Variants in SLC9A2 observed in about 807,000 individuals in gnomAD.
SLC9A2 encodes the protein sodium/hydrogen exchanger 2.
In SLC9A2, 42 loss-of-function variants were observed where a neutral mutation model predicts 71.7. The ratio of observed to expected loss-of-function variants is 0.59; its 90% CI spans 0.46 to 0.76. The LOEUF (loss-of-function observed/expected upper bound fraction) is 0.76. Among genes scored for constraint, SLC9A2 ranks in the 30% least tolerant of loss-of-function variants. The pLI, the probability that SLC9A2 is intolerant of heterozygous loss-of-function variation, is 0.00. For missense variants in SLC9A2, 829 were observed against 1,017.4 expected (o/e 0.81, Z 2.52); for synonymous variants, 396 against 392.5 (o/e 1.01, Z -0.10).
chr2:102,690,905 C>T (rs148585121), intron 5 of SLC9A2, among the ~76,000 whole-genome samples: 4 of 148,696 alleles, frequency 2.7e-5, no homozygotes, highest in African/African-American at 9.9e-5. Context: ...CTCTCTCCCA[C>T]ATCCTTTTTA....
chr2:102,688,081 C>A (rs560460217), intron 5 of SLC9A2, among the ~76,000 whole-genome samples: 2 of 152,032 alleles, frequency 1.3e-5, no homozygotes, highest in African/African-American at 4.8e-5. Context: ...CATGCCCGGC[C>A]GTGGAATATT....
At position 102,708,626 on chromosome 2, in the gene SLC9A2, C is replaced by G. The variant is rs1352421282; in HGVS notation, c.*137C>G. On this transcript the variant is annotated 3_prime_UTR_variant, in exon 12 of 12. Coordinates refer to ENST00000233969, the MANE Select transcript of SLC9A2 (RefSeq NM_003048.6). ...CTTCTGGAGGGCGACAGATTCATGCCACGGATAAATGAGGCAAATCCGAAG... is the reference window on the plus strand; with the variant it reads ...CTTCTGGAGGGCGACAGATTCATGCGACGGATAAATGAGGCAAATCCGAAG... The G allele has an allele frequency of 2.9e-6, 3 of 1,041,990 alleles. No individual in the cohort carries two copies. In the African/African-American group the frequency reaches 4.8e-5, roughly 17 times the overall value. The allele number at this position is 1,041,990 out of a possible 1,614,324, so 64.5% of individuals were successfully genotyped here.
intron 1 of SLC9A2, among the ~76,000 whole-genome samples, chr2:102,650,703 A>G (rs558505751): frequency 6.6e-6 from 1 of 152,268 alleles, no homozygotes; most frequent in African/African-American, 2.4e-5. Flanking sequence ...TTTATATGAC[A>G]TTCATGTACC....
chr2:102,630,396 T>G (rs546321038), intron 1 of SLC9A2, among the ~76,000 whole-genome samples: 1 of 152,156 alleles, frequency 6.6e-6, no homozygotes, highest in African/African-American at 2.4e-5. Flanking sequence ...TTCAATACTT[T>G]TTGTCCTCTT....
chr2:102,694,531 T>G, intron 6 of SLC9A2, 28 bp downstream of exon 6: 1 of 1,173,234 alleles, frequency 8.5e-7, no homozygotes. Context: ...GTAATAATTT[T>G]AATGATAAAG....
At chr2:102,684,422 G>A (rs76805227) in intron 5 of SLC9A2, 86 bp downstream of exon 5, 32,983 of 1,233,284 alleles carry the variant, frequency 0.027, 592 homozygotes, top group Middle Eastern at 0.097. Flanking sequence ...AGTAGCAAAG[G>A]TGTGTTGAAA....
At chr2:102,673,446 T>C (rs1313649000) in intron 3 of SLC9A2, among the ~76,000 whole-genome samples, 1 of 152,206 alleles carries the variant, frequency 6.6e-6, no homozygotes, top group Non-Finnish European at 1.5e-5. Flanking sequence ...TGGTAGATTT[T>C]AGAGGTATAT....
Position 102,665,366 on chromosome 2 carries a change from T to C in SLC9A2, c.1004+16T>C. On this transcript the variant is annotated intron_variant, in intron 3 of 11. Coordinates refer to ENST00000233969, the MANE Select transcript of SLC9A2 (RefSeq NM_003048.6). ...GCATCATGGCGTAAGTACTTCTTTG[T>C]TAAAAGTGCTCGATGATGGCATTTC... 1 of 1,599,242 alleles carries C rather than the reference T, an allele frequency of 6.3e-7. No individual in the cohort carries two copies. Among genetic ancestry groups the C allele is most frequent in the Non-Finnish European group, 8.6e-7 (1 of 1,169,314 alleles).
chr2:102,701,010 A>C, intron 7 of SLC9A2, 60 bp from the exon 8 acceptor site: 6 of 1,258,388 alleles, frequency 4.8e-6, no homozygotes, highest in Non-Finnish European at 6.7e-6. Flanking sequence ...ATTGGTAAAA[A>C]CAACAACTAT....
Position 102,682,587 on chromosome 2 carries a change from A to G in SLC9A2, c.1005-674A>G, listed in dbSNP as rs1677474699. ...GTCCCAAAGTTTTGGAAATACTTGG[A>G]AGAATAAGCCAAAGAGTTTCTTTGC... On this transcript the variant is annotated intron_variant, in intron 3 of 11. Transcript: ENST00000233969. 2.0e-5 allele frequency among the ~76,000 whole-genome samples: 3 copies of G among 152,216 alleles called. No individual in the cohort carries two copies. The South Asian group carries it at 6.2e-4, about 31-fold the overall frequency.
rs1342640594 is a variant in SLC9A2 at position 102,619,728 on chromosome 2, G to T, written c.-121G>T. On this transcript the variant is annotated 5_prime_UTR_variant, in exon 1 of 12. Coordinates refer to ENST00000233969, the MANE Select transcript of SLC9A2 (RefSeq NM_003048.6). This position sits in a 1 kb window ranked among gnomAD's most constrained non-coding sequence, Gnocchi z 4.3. ...AGACCCGGTGCCGCAGCAGCGGCGG[G>T]TGGCTGTCGCTGCCCTGCCCTGCAC... 3.6e-6 allele frequency: 3 copies of T among 839,864 alleles called. No homozygotes were observed. In the East Asian group the frequency reaches 1.0e-4, roughly 28 times the overall value. 52.0% of individuals were successfully genotyped at this position (839,864 alleles called of 1,614,324 possible). A position where few individuals can be genotyped will look rare whatever the true frequency, so the allele number is the denominator to read the frequency against.
At chr2:102,643,619 C>A (rs1676654130) in intron 1 of SLC9A2, among the ~76,000 whole-genome samples, 1 of 152,206 alleles carries the variant, frequency 6.6e-6, no homozygotes, top group Admixed American at 6.5e-5. Context: ...GCCAGCATTT[C>A]TTCTGCTATC....
intron 4 of SLC9A2, 65 bp from the exon 5 acceptor site, chr2:102,684,068 AG>A (rs1677504434): frequency 8.8e-7 from 1 of 1,137,362 alleles, no homozygotes; most frequent in Admixed American, 1.8e-5. Flanking sequence ...ACAGAAAATG[AG>A]TCTATGTATT....
intron 1 of SLC9A2, among the ~76,000 whole-genome samples, chr2:102,622,491 T>C (rs1047260776): frequency 6.6e-6 from 1 of 152,238 alleles, no homozygotes; most frequent in African/African-American, 2.4e-5. Context: ...TAGGAGGCAC[T>C]TAAGGGCATT....
At chr2:102,703,608 G>GT (rs1475445256) in intron 9 of SLC9A2, among the ~76,000 whole-genome samples, 1 of 152,176 alleles carries the variant, frequency 6.6e-6, no homozygotes, top group African/African-American at 2.4e-5. Context: ...TAGATGCTCA[G>GT]TGAGATGGTA....
intron 1 of SLC9A2, among the ~76,000 whole-genome samples, chr2:102,632,526 G>T (rs1387642636): frequency 6.6e-6 from 1 of 151,958 alleles, no homozygotes; most frequent in Non-Finnish European, 1.5e-5. Flanking sequence ...ACAGTCCTGT[G>T]CATTGTTTAT....
intron 1 of SLC9A2, among the ~76,000 whole-genome samples, chr2:102,643,553 C>T (rs536523717): frequency 3.3e-5 from 5 of 152,298 alleles, no homozygotes; most frequent in African/African-American, 7.2e-5. Flanking sequence ...AAGTCTGAGA[C>T]ATGAGAGACA....
intron 3 of SLC9A2, among the ~76,000 whole-genome samples, chr2:102,670,510 G>A (rs1677226131): frequency 6.7e-6 from 1 of 149,094 alleles, no homozygotes; most frequent in Non-Finnish European, 1.5e-5. Flanking sequence ...AAACATGGCT[G>A]TCAGATGACT....
chr2:102,700,669 G>A (rs193039957), intron 7 of SLC9A2, among the ~76,000 whole-genome samples: 3 of 152,172 alleles, frequency 2.0e-5, no homozygotes. Flanking sequence ...CAGTGATAAC[G>A]TTTCTGAGCA....
Sources: gnomAD v4.1 joint callset for allele counts (sites outside exome capture counted in the v4.1 genomes callset) on GRCh38, gnomAD v4.1.1 for gene constraint, Gnocchi (gnomAD v3.1) non-coding constraint, MANE v1.5 for transcripts, NCBI Gene and HGNC (gene_info 2026-07-23, HGNC 2026-07-21) for gene names.